The following CCDC191 variants were observed in gnomAD, a reference collection of about 807,000 sequenced individuals.
CCDC191 encodes the protein coiled-coil domain-containing protein 191.
In CCDC191, 99 loss-of-function variants were observed where a neutral mutation model predicts 114.0. The ratio of observed to expected loss-of-function variants is 0.87; its 90% CI spans 0.74 to 1.03. CCDC191 has a LOEUF of 1.03. Among genes scored for constraint, CCDC191 ranks in the 50% least tolerant of loss-of-function variants. The pLI is 0.00. For synonymous variants in CCDC191, 351 were observed against 376.0 expected (o/e 0.93, Z 0.77); for missense variants, 973 against 1,087.0 (o/e 0.90, Z 1.47).
At position 114,006,609 on chromosome 3, in the gene CCDC191, TATATATATAA is replaced by T. The variant is rs1320180032; in HGVS notation, c.1414-657_1414-648del. Among the ~76,000 whole-genome samples, 41 of 135,120 alleles carry T rather than the reference TATATATATAA, an allele frequency of 3.0e-4. 2 individuals are homozygous for T. Among genetic ancestry groups the T allele is most frequent in the Middle Eastern group, 3.6e-3 (1 of 276 alleles). 88.6% of individuals were successfully genotyped at this position (135,120 alleles called of 152,430 possible). A position where few individuals can be genotyped will look rare whatever the true frequency, so the allele number is the denominator to read the frequency against. ...CCAGATATATATATATATATATATA[TATATATATAA>T]ATATATATATTTTATATATAAAAAA... On this transcript the variant is annotated intron_variant, in intron 9 of 16. Transcript: ENST00000295878.
chr3:114,046,641 T>A lies in CCDC191; in HGVS notation c.221A>T (p.Asp74Val), dbSNP rs537742667. The change falls in exon 3 of 17, where the codon GAT becomes GTT. Residue 74 changes from aspartate to valine, a missense_variant. Asp to Val is a radical substitution (Grantham distance 152). Transcript: ENST00000295878. ...CTCTATTTGCTCAGATGTTTTCAAA[T>A]CTGTGATTTGGCCCCAGGGACTTCT... ...LPRSPWGQIT[D>V]LKTSEQIEDH... 14 of 1,612,136 alleles carry A rather than the reference T, an allele frequency of 8.7e-6. No individual in the cohort carries two copies. The African/African-American group carries it at 1.9e-4, about 21-fold the overall frequency.
chr3:113,968,948 G>A (rs1424555508), intron 16 of CCDC191, among the ~76,000 whole-genome samples: 1 of 152,112 alleles, frequency 6.6e-6, no homozygotes, highest in African/African-American at 2.4e-5. Context: ...AAGAAGTATG[G>A]CACTAGCATC....
intron 13 of CCDC191, among the ~76,000 whole-genome samples, chr3:113,982,834 C>T (rs1449163417): frequency 6.8e-6 from 1 of 146,790 alleles, no homozygotes; most frequent in Non-Finnish European, 1.5e-5. Flanking sequence ...GTGCCAGTAT[C>T]TCCCCTCTTC....
At position 114,043,138 on chromosome 3, in the gene CCDC191, A is replaced by C. The variant is rs573379264; in HGVS notation, c.272-292T>G. 5.3e-5 allele frequency among the ~76,000 whole-genome samples: 8 copies of C among 152,296 alleles called. No individual in the cohort carries two copies. The South Asian group carries it at 1.7e-3, about 32-fold the overall frequency. On this transcript the variant is annotated intron_variant, in intron 3 of 16. Transcript: ENST00000295878. ...TGGGAGGTAAAAGAAAGCTTCACTG[A>C]GAAAAAGATATTTGAGCAAAGAAGG...
chr3:114,046,060 C>G (rs1398778825), intron 3 of CCDC191, among the ~76,000 whole-genome samples: 1 of 152,200 alleles, frequency 6.6e-6, no homozygotes, highest in East Asian at 1.9e-4. Context: ...GGACATCACA[C>G]TCTTGACTTT....
intron 2 of CCDC191, among the ~76,000 whole-genome samples, chr3:114,050,363 CTG>C (rs1407711230): frequency 6.6e-6 from 1 of 152,212 alleles, no homozygotes; most frequent in Non-Finnish European, 1.5e-5. Flanking sequence ...ATAAATAGTT[CTG>C]TGAGTAATAA....
chr3:113,998,050 AATCCC>A (rs2075768016), intron 13 of CCDC191, among the ~76,000 whole-genome samples: 1 of 152,066 alleles, frequency 6.6e-6, no homozygotes, highest in Non-Finnish European at 1.5e-5. Flanking sequence ...TCATGCCTAT[AATCCC>A]AGCACTTTGG....
intron 14 of CCDC191, among the ~76,000 whole-genome samples, chr3:113,979,400 C>T (rs1382936236): frequency 1.3e-5 from 2 of 152,182 alleles, no homozygotes; most frequent in Admixed American, 1.3e-4. Flanking sequence ...TAACCACTGT[C>T]TAATTGAGGA....
intron 14 of CCDC191, among the ~76,000 whole-genome samples, chr3:113,979,261 G>A (rs377229704): frequency 1.3e-5 from 2 of 152,156 alleles, no homozygotes; most frequent in South Asian, 2.1e-4. Flanking sequence ...TTATGGAAAT[G>A]GAACAACCAA....
At chr3:114,028,514 T>C (rs1351455727) in intron 7 of CCDC191, among the ~76,000 whole-genome samples, 1 of 151,930 alleles carries the variant, frequency 6.6e-6, no homozygotes, top group East Asian at 1.9e-4. Flanking sequence ...CTCGATCTCC[T>C]GACCTCGTGA....
chr3:113,974,111 C>G (rs941075811), intron 16 of CCDC191, among the ~76,000 whole-genome samples: 1 of 151,796 alleles, frequency 6.6e-6, no homozygotes, highest in African/African-American at 2.4e-5. Flanking sequence ...TTTCTCAGTT[C>G]CAAGATTTGT....
At chr3:113,971,195 G>A (rs542082523) in intron 16 of CCDC191, among the ~76,000 whole-genome samples, 1 of 152,296 alleles carries the variant, frequency 6.6e-6, no homozygotes, top group Non-Finnish European at 1.5e-5. Flanking sequence ...GTGTAAAAGT[G>A]TTCCTATTTC....
At chr3:114,030,187 T>C (rs2076384372) in intron 7 of CCDC191, among the ~76,000 whole-genome samples, 1 of 152,218 alleles carries the variant, frequency 6.6e-6, no homozygotes, top group Admixed American at 6.5e-5. Flanking sequence ...TAAAACTAAG[T>C]AATCTGTTTT....
At chr3:114,027,726 C>A (rs1055887433) in intron 7 of CCDC191, among the ~76,000 whole-genome samples, 1 of 151,708 alleles carries the variant, frequency 6.6e-6, no homozygotes, top group East Asian at 1.9e-4. Context: ...CCTGCAAATA[C>A]TCTACACAGC....
At chr3:114,043,093 T>C (rs2107749254) in intron 3 of CCDC191, among the ~76,000 whole-genome samples, 1 of 152,008 alleles carries the variant, frequency 6.6e-6, no homozygotes, top group East Asian at 1.9e-4. Flanking sequence ...ACATGGAAGA[T>C]GGGTGTTGTA....
chr3:114,026,826 A>G (rs986639438), intron 7 of CCDC191, among the ~76,000 whole-genome samples: 3 of 152,230 alleles, frequency 2.0e-5, no homozygotes, highest in African/African-American at 7.2e-5. Flanking sequence ...TCTTTAACAG[A>G]AAAATCCAAC....
chr3:113,998,383 G>A (rs919499363), intron 13 of CCDC191, among the ~76,000 whole-genome samples: 4 of 150,374 alleles, frequency 2.7e-5, no homozygotes, highest in Non-Finnish European at 5.9e-5. Flanking sequence ...CAAGAAGAAA[G>A]CATCGCTATC....
At chr3:113,981,457 A>G (rs1410863467) in intron 13 of CCDC191, among the ~76,000 whole-genome samples, 1 of 152,154 alleles carries the variant, frequency 6.6e-6, no homozygotes, top group Non-Finnish European at 1.5e-5. Context: ...TTTCTCTTTT[A>G]ATAAAAATAG....
intron 9 of CCDC191, among the ~76,000 whole-genome samples, chr3:114,006,619 A>ATATAAAAAT (rs1559903359): frequency 3.2e-5 from 3 of 92,548 alleles, no homozygotes; most frequent in Admixed American, 1.0e-4. Context: ...TATATATATA[A>ATATAAAAAT]ATATATATAT....
Sources: gnomAD v4.1 joint callset for allele counts (sites outside exome capture counted in the v4.1 genomes callset) on GRCh38, gnomAD v4.1.1 for gene constraint, MANE v1.5 for transcripts, NCBI Gene and HGNC (gene_info 2026-07-23, HGNC 2026-07-21) for gene names.